The following MCOLN2 variants were observed in gnomAD, a reference collection of about 807,000 sequenced individuals.
MCOLN2 encodes the protein mucolipin TRP cation channel 2, also known as mucolipin-2.
Under a neutral mutation model 67.5 loss-of-function variants are expected in MCOLN2, and 57 were observed. That is an observed-to-expected ratio of 0.84 (90% CI 0.68 to 1.05). MCOLN2 has a LOEUF of 1.05. MCOLN2 is among the 50% of genes least tolerant of loss of function. The probability of loss-of-function intolerance (pLI) is 0.00; values close to 1 mark genes in which losing one functional copy is unlikely to be tolerated. For synonymous variants in MCOLN2, 246 were observed against 233.3 expected (o/e 1.05, Z -0.50); for missense variants, 620 against 678.8 (o/e 0.91, Z 0.96).
intron 6 of MCOLN2, among the ~76,000 whole-genome samples, chr1:84,951,890 T>A (rs867957332): frequency 2.0e-5 from 3 of 152,104 alleles, no homozygotes; most frequent in Non-Finnish European, 2.9e-5. Context: ...CTGGCCAACA[T>A]GGCAAAACCC....
chr1:84,929,681 T>C lies in MCOLN2; in HGVS notation c.1543-2A>G, dbSNP rs1661309943. 6.2e-7 allele frequency: 1 copy of C among 1,612,506 alleles called. No individual in the cohort carries two copies. The highest frequency in any genetic ancestry group is 8.5e-7 in the Non-Finnish European group (1 of 1,178,882). ...AGGAAACCCATTCTGTTGGAATTTCTTTAGAAAGTACACAATGTTGTTACC... is the reference window on the plus strand; with the variant it reads ...AGGAAACCCATTCTGTTGGAATTTCCTTAGAAAGTACACAATGTTGTTACC... On this transcript the variant is annotated splice_acceptor_variant, in intron 12 of 13. Coordinates refer to ENST00000370608, the MANE Select transcript of MCOLN2 (RefSeq NM_153259.4). LOFTEE classifies it high-confidence loss of function.
At chr1:84,991,438 A>C (rs185787000) in intron 1 of MCOLN2, among the ~76,000 whole-genome samples, 2 of 152,334 alleles carry the variant, frequency 1.3e-5, no homozygotes, top group East Asian at 1.9e-4. Flanking sequence ...AGAAAGAAAA[A>C]TATCTAGCCA....
chr1:84,994,746 C>T (rs891420225), intron 1 of MCOLN2, among the ~76,000 whole-genome samples: 1 of 152,144 alleles, frequency 6.6e-6, no homozygotes, highest in Non-Finnish European at 1.5e-5. Context: ...GGCTGTTTTG[C>T]TTCCTTATCA....
chr1:84,929,270 C>T (rs1661292207), intron 13 of MCOLN2, among the ~76,000 whole-genome samples: 1 of 152,222 alleles, frequency 6.6e-6, no homozygotes, highest in African/African-American at 2.4e-5. Context: ...ACTTGGGCCA[C>T]TTAAGAGTTC....
chr1:84,943,020 C>T (rs1258503451), intron 7 of MCOLN2, among the ~76,000 whole-genome samples: 1 of 152,154 alleles, frequency 6.6e-6, no homozygotes, highest in East Asian at 1.9e-4. Flanking sequence ...CATTCTGTTA[C>T]AAGTAACAGA....
intron 13 of MCOLN2, among the ~76,000 whole-genome samples, chr1:84,928,904 T>C (rs967699685): frequency 6.6e-6 from 1 of 152,094 alleles, no homozygotes; most frequent in Admixed American, 6.5e-5. Context: ...ATATGTAGGG[T>C]ATACTTTTAG....
At chr1:84,974,864 C>A (rs1189488551) in intron 1 of MCOLN2, among the ~76,000 whole-genome samples, 3 of 152,122 alleles carry the variant, frequency 2.0e-5, no homozygotes, top group Non-Finnish European at 4.4e-5. Context: ...CTTAAGAGAC[C>A]TTGGGCCTTA....
At position 84,996,930 on chromosome 1, in the gene MCOLN2, A is replaced by C; in HGVS notation, c.-58T>G. ...GGATTCGGAACAGGAAACACCGTTC[A>C]CGGCCGACTCATTTCGCCCTCGCCG... On this transcript the variant is annotated 5_prime_UTR_variant, in exon 1 of 14. It removes the in-frame stop codon of an upstream open reading frame in the 5' UTR. Coordinates refer to ENST00000370608, the MANE Select transcript of MCOLN2 (RefSeq NM_153259.4). The C allele has an allele frequency of 1.4e-6, 2 of 1,479,606 alleles. No homozygotes were observed. The highest frequency in any genetic ancestry group is 1.9e-6 in the Non-Finnish European group (2 of 1,060,208). 91.7% of individuals were successfully genotyped at this position (1,479,606 alleles called of 1,614,324 possible). A position where few individuals can be genotyped will look rare whatever the true frequency, so the allele number is the denominator to read the frequency against.
At chr1:84,987,469 T>C (rs1392366458) in intron 1 of MCOLN2, among the ~76,000 whole-genome samples, 8 of 100,042 alleles carry the variant, frequency 8.0e-5, no homozygotes, top group Admixed American at 1.3e-4. Context: ...TATGTATATA[T>C]AGATATATAT....
At chr1:84,967,798 A>G (rs1649458593) in intron 1 of MCOLN2, among the ~76,000 whole-genome samples, 1 of 119,650 alleles carries the variant, frequency 8.4e-6, no homozygotes, top group Non-Finnish European at 1.7e-5. Context: ...GAAAAAGGAG[A>G]GAGGGAGGGA....
At chr1:84,971,499 T>TACACACAC (rs71097870) in intron 1 of MCOLN2, among the ~76,000 whole-genome samples, 42 of 132,256 alleles carry the variant, frequency 3.2e-4, no homozygotes, top group African/African-American at 5.1e-4. Flanking sequence ...TAAACAGACA[T>TACACACAC]ACACACACAC....
chr1:84,996,723 G>T, intron 1 of MCOLN2, 73 bp downstream of exon 1: 7 of 1,380,722 alleles, frequency 5.1e-6, no homozygotes, highest in Non-Finnish European at 7.2e-6. Context: ...TCTAGTCTAC[G>T]AAAGTAAAGC....
At chr1:84,953,379 G>A (rs572577065) in intron 4 of MCOLN2, among the ~76,000 whole-genome samples, 8 of 152,100 alleles carry the variant, frequency 5.3e-5, no homozygotes, top group South Asian at 2.1e-4. Context: ...GTGAAACGCC[G>A]TCTCTACTAA....
chr1:84,958,547 G>T lies in MCOLN2; in HGVS notation c.393C>A (p.Ile131=). ...VYTQEDAYES[I]FFAINQYHQL... is the part of the protein sequence containing the mutation. ...CACTTGCCTGATTAATAGCAAAAAA[G>T]ATGCTCTCATAGGCATCCTCTTGAG... The change falls in exon 3 of 14, where the codon ATC becomes ATA. Residue 131 remains isoleucine, a synonymous_variant. Transcript: ENST00000370608. The T allele has an allele frequency of 6.2e-7, 1 of 1,602,234 alleles. No homozygotes were observed. The highest frequency in any genetic ancestry group is 8.5e-7 in the Non-Finnish European group (1 of 1,177,588).
At chr1:84,973,282 G>A (rs1449548300) in intron 1 of MCOLN2, among the ~76,000 whole-genome samples, 1 of 152,120 alleles carries the variant, frequency 6.6e-6, no homozygotes, top group Non-Finnish European at 1.5e-5. Context: ...TTCAAGACCA[G>A]CCTGGACAAT....
At chr1:84,927,007 C>T (rs1661191463) in intron 13 of MCOLN2, among the ~76,000 whole-genome samples, 1 of 151,008 alleles carries the variant, frequency 6.6e-6, no homozygotes. Flanking sequence ...CTCCATGCCC[C>T]CAGGGAGGGG....
intron 13 of MCOLN2, 68 bp downstream of exon 13, chr1:84,929,490 G>T: frequency 1.4e-6 from 2 of 1,470,598 alleles, no homozygotes; most frequent in Non-Finnish European, 9.1e-7. Context: ...GGTAATCTTG[G>T]AGGGGCTCTT....
rs201437487 is a variant in MCOLN2, at chr1:84,977,030, TACA to T, written c.78-11325_78-11323del. Among the ~76,000 whole-genome samples the T allele has an allele frequency of 3.2e-4, 48 of 152,130 alleles. No individual in the cohort carries two copies. The East Asian group carries it at 6.8e-3, about 21-fold the overall frequency. ...TGGCAAACCAATAAAAAATAATAAC[TACA>T]ACAACTTTTCAAGACATAGACAGTA... On this transcript the variant is annotated intron_variant, in intron 1 of 13. Transcript: ENST00000370608.
At chr1:84,977,383 C>T (rs141003369) in intron 1 of MCOLN2, among the ~76,000 whole-genome samples, 2 of 151,702 alleles carry the variant, frequency 1.3e-5, no homozygotes, top group Non-Finnish European at 2.9e-5. Flanking sequence ...AGAGTAGGTC[C>T]TTAATTATCA....
Sources: allele counts gnomAD v4.1 joint callset (sites outside exome capture counted in the v4.1 genomes callset), GRCh38; gene constraint gnomAD v4.1.1; transcripts MANE v1.5; gene names NCBI Gene and HGNC (gene_info 2026-07-23, HGNC 2026-07-21).